FOXK2: variants seen among roughly 807,000 people sequenced by gnomAD.
FOXK2 encodes forkhead box K2, also known as forkhead box protein K2.
Under a neutral mutation model 53.3 loss-of-function variants are expected in FOXK2, and 24 were observed. The ratio of observed to expected loss-of-function variants is 0.45; its 90% CI spans 0.33 to 0.63. FOXK2 has a LOEUF of 0.63. Ranked by LOEUF, FOXK2 falls within the 30% of genes least tolerant of loss-of-function variation. The pLI is 0.03. For missense variants in FOXK2, 952 were observed against 910.5 expected, an observed-to-expected ratio of 1.05 and a Z score of -0.59; for synonymous variants, 505 against 407.1, an observed-to-expected ratio of 1.24 and a Z score of -2.89.
rs766771535 is a variant in FOXK2 at position 82,520,074 on chromosome 17, G to C, written c.186G>C (p.Gln62His). ...TGACCATCGGCCGCAACTCGTCGCA[G>C]GGCTCGGTGGACGTGAGCATGGGCC... is the stretch of plus-strand genomic sequence containing the variant. ...RSVTIGRNSS[Q>H]GSVDVSMGHS... Residue 62 changes from glutamine to histidine, a missense_variant, in exon 1 of 9, where the codon CAG becomes CAC. Around this residue, in one of 5 missense-constraint regions of FOXK2, gnomAD observed 163 missense variants for 165.5 expected, o/e 0.98. Transcript: ENST00000335255. 7.8e-6 allele frequency: 12 copies of C among 1,544,126 alleles called. No individual in the cohort carries two copies. The highest frequency in any genetic ancestry group is 1.4e-5 in the African/African-American group (1 of 69,906).
At chr17:82,575,581 C>G (rs1318719407) in intron 4 of FOXK2, among the ~76,000 whole-genome samples, 1 of 152,132 alleles carries the variant, frequency 6.6e-6, no homozygotes, top group Non-Finnish European at 1.5e-5. Flanking sequence ...AAAGAGACTT[C>G]TAGAAACAGT....
intron 1 of FOXK2, among the ~76,000 whole-genome samples, chr17:82,545,218 G>A (rs982623126): frequency 4.6e-5 from 7 of 152,154 alleles, no homozygotes; most frequent in Non-Finnish European, 1.0e-4. Flanking sequence ...TAGTGAAGAC[G>A]TGACGTCATC....
At chr17:82,550,526 G>A (rs572301157) in intron 1 of FOXK2, among the ~76,000 whole-genome samples, 1 of 127,066 alleles carries the variant, frequency 7.9e-6, no homozygotes, top group South Asian at 2.7e-4. Flanking sequence ...TTTTTGAGAT[G>A]GAGTCTTGCT....
chr17:82,584,082 G>A lies in FOXK2; in HGVS notation c.1173G>A (p.Glu391=), dbSNP rs2045101547. ...SAHSSGAQTP[E]SLSREGSPAP... ...ACTCTAGTGGCGCCCAGACCCCTGA[G>A]AGCCTGTCGAGGGAAGGTTCGCCGG... is the stretch of plus-strand genomic sequence containing the variant. Residue 391 remains glutamate, a synonymous_variant, in exon 6 of 9, where the codon GAG becomes GAA. Coordinates refer to ENST00000335255, the MANE Select transcript of FOXK2 (RefSeq NM_004514.4). 2 of 1,611,724 alleles carry A rather than the reference G, an allele frequency of 1.2e-6. No individual in the cohort carries two copies. The highest frequency in any genetic ancestry group is 1.3e-5 in the African/African-American group (1 of 74,912).
At chr17:82,576,874 T>C (rs1414706701) in intron 4 of FOXK2, 5 of 506,402 alleles carry the variant, frequency 9.9e-6, no homozygotes, top group Non-Finnish European at 1.4e-5. Context: ...AAAAAATGTA[T>C]GCAGGCTGGG....
intron 4 of FOXK2, chr17:82,578,191 C>T (rs756847519): frequency 6.6e-6 from 1 of 152,254 alleles, no homozygotes; most frequent in Non-Finnish European, 1.5e-5. Context: ...GCAGAGTGCA[C>T]ACGGGAGCGC....
At position 82,563,599 on chromosome 17, in the gene FOXK2, C is replaced by G; in HGVS notation, c.614+51C>G. 3 of 1,526,902 alleles carry G rather than the reference C, an allele frequency of 2.0e-6. No homozygotes were observed. In the South Asian group the frequency reaches 3.6e-5, roughly 19 times the overall value. The allele number at this position is 1,526,902 out of a possible 1,614,324, so 94.6% of individuals were successfully genotyped here. A position where few individuals can be genotyped will look rare whatever the true frequency, so the allele number is the denominator to read the frequency against. The stretch of plus-strand genomic sequence containing the variant: ...GAGCATCCTTAGTCCCAGTGGCAGC[C>G]CCAAGTAACGCCTTTCTCCTTCCCT... On this transcript the variant is annotated intron_variant, in intron 2 of 8. Transcript: ENST00000335255.
At chr17:82,588,195 T>G (rs969711255) in intron 8 of FOXK2, 1 of 152,226 alleles carries the variant, frequency 6.6e-6, no homozygotes, top group Non-Finnish European at 1.5e-5. Flanking sequence ...TTTTTTGTTT[T>G]TAAGTAATAG....
chr17:82,529,653 T>A (rs568437131), intron 1 of FOXK2, among the ~76,000 whole-genome samples: 1 of 152,340 alleles, frequency 6.6e-6, no homozygotes, highest in East Asian at 1.9e-4. Context: ...CCCAAAGTGC[T>A]GGGATTACAG....
chr17:82,553,869 C>G (rs1278352489), intron 1 of FOXK2, among the ~76,000 whole-genome samples: 1 of 151,980 alleles, frequency 6.6e-6, no homozygotes, highest in Non-Finnish European at 1.5e-5. Context: ...GAGTCTTGCT[C>G]TGTTGCCAGG....
intron 1 of FOXK2, among the ~76,000 whole-genome samples, chr17:82,562,355 C>T (rs946594640): frequency 2.0e-5 from 3 of 152,092 alleles, no homozygotes; most frequent in South Asian, 4.2e-4. Flanking sequence ...CCGAGGTGGG[C>T]GGATCACGTG....
At chr17:82,533,489 CA>C (rs77314230) in intron 1 of FOXK2, among the ~76,000 whole-genome samples, 24 of 144,688 alleles carry the variant, frequency 1.7e-4, no homozygotes, top group East Asian at 4.0e-4. Context: ...GACTTTGTCT[CA>C]AAAAAAAAAA....
In FOXK2 at chr17:82,602,869, GTCA is replaced by G. The variant is rs909414075; in HGVS notation, c.*1378_*1380del. On this transcript the variant is annotated 3_prime_UTR_variant, in exon 9 of 9. Transcript: ENST00000335255. ...CAGCCTGATGGCTGAGCTTTTAAAT[GTCA>G]TCATCATAACATTATTTATTTAAAT... The G allele has an allele frequency of 2.0e-5, 3 of 152,356 alleles. No homozygotes were observed. Among genetic ancestry groups the G allele is most frequent in the African/African-American group, 4.8e-5 (2 of 41,460 alleles). The allele number at this position is 152,356 out of a possible 1,614,324, so 9.4% of individuals were successfully genotyped here. A position where few individuals can be genotyped will look rare whatever the true frequency, so the allele number is the denominator to read the frequency against.
At chr17:82,529,693 G>C (rs149847469) in intron 1 of FOXK2, among the ~76,000 whole-genome samples, 88 of 152,260 alleles carry the variant, frequency 5.8e-4, no homozygotes, top group African/African-American at 1.8e-3. Flanking sequence ...ACCTGAAAGT[G>C]CCTTTTGTAA....
intron 1 of FOXK2, among the ~76,000 whole-genome samples, chr17:82,531,415 T>C (rs12450641): frequency 0.15 from 22,651 of 152,208 alleles, 2,163 homozygotes; most frequent in East Asian, 0.32. Context: ...AAAGTGACTT[T>C]TTTGGCCTTG....
intron 1 of FOXK2, among the ~76,000 whole-genome samples, chr17:82,551,282 A>G (rs1461544726): frequency 1.3e-5 from 2 of 151,540 alleles, no homozygotes; most frequent in Non-Finnish European, 2.9e-5. Context: ...GCACCTCTGC[A>G]CTCCAGCCTG....
rs1303232323 is a variant in FOXK2 at position 82,603,381 on chromosome 17, CCA to C, written c.*1885_*1886del. The C allele has an allele frequency of 6.6e-6, 1 of 152,266 alleles. No homozygotes were observed. The highest frequency in any genetic ancestry group is 1.5e-5 in the Non-Finnish European group (1 of 68,056). 9.4% of individuals were successfully genotyped at this position (152,266 alleles called of 1,614,324 possible). A position where few individuals can be genotyped will look rare whatever the true frequency, so the allele number is the denominator to read the frequency against. On this transcript the variant is annotated 3_prime_UTR_variant, in exon 9 of 9. Transcript: ENST00000335255. ...GTCCTGTGTGTGGGGTCAGCTCCCT[CCA>C]CAGAGGGCTCCAGCTCTGTTGGTCA...
At chr17:82,566,989 C>T (rs1185711986) in intron 2 of FOXK2, among the ~76,000 whole-genome samples, 1 of 152,208 alleles carries the variant, frequency 6.6e-6, no homozygotes, top group East Asian at 1.9e-4. Flanking sequence ...TGGTTGCTGG[C>T]ATTGAGTAAA....
chr17:82,584,157 C>G lies in FOXK2; in HGVS notation c.1248C>G (p.Ile416Met). Residue 416 changes from isoleucine (I) to methionine (M), a missense_variant, in exon 6 of 9, where the codon ATC (isoleucine) becomes ATG (methionine). By Grantham distance (10) the Ile-to-Met change is conservative. This residue lies in a region of FOXK2 where 551 missense variants were observed against 385.1 expected (regional missense o/e 1.43). Coordinates refer to ENST00000335255, the MANE Select transcript of FOXK2 (RefSeq NM_004514.4). ...CTGCACAGCCCAAACTCGCTGTCAT[C>G]CAGGAAGCCCGGTTTGCCCAGAGCG... Reference protein sequence around the residue: ...PGAAQPKLAVIQEARFAQSAP... With the variant: ...PGAAQPKLAVMQEARFAQSAP... The G allele has an allele frequency of 6.2e-7, 1 of 1,608,418 alleles. No homozygotes were observed. Among genetic ancestry groups the G allele is most frequent in the Non-Finnish European group, 8.5e-7 (1 of 1,178,674 alleles).
Sources: allele counts gnomAD v4.1 joint callset (sites outside exome capture counted in the v4.1 genomes callset), GRCh38; gene constraint gnomAD v4.1.1; regional missense constraint gnomAD v4.1.1; transcripts MANE v1.5; gene names NCBI Gene and HGNC (gene_info 2026-07-23, HGNC 2026-07-21).